Variants in TEX9 observed in about 807,000 individuals in gnomAD.
TEX9 encodes the protein testis-expressed protein 9.
TEX9 carries 74 observed loss-of-function variants against 59.6 expected under a neutral mutation model. The observed-to-expected ratio is 1.24, with a 90% CI of 1.03 to 1.51. The LOEUF (loss-of-function observed/expected upper bound fraction) is 1.51. Ranked by LOEUF, TEX9 falls within the 40% of genes most tolerant of loss-of-function variation. The pLI is 0.00. For missense variants in TEX9, 522 were observed against 447.8 expected, an observed-to-expected ratio of 1.17 and a Z score of -1.49; for synonymous variants, 186 against 152.2, an observed-to-expected ratio of 1.22 and a Z score of -1.64.
At chr15:56,272,926 AT>A (rs1401228517) in intron 1 of TEX9, among the ~76,000 whole-genome samples, 1 of 118,734 alleles carries the variant, frequency 8.4e-6, no homozygotes. Context: ...TTATTTATTT[AT>A]TTATTTATTT....
intron 1 of TEX9, among the ~76,000 whole-genome samples, chr15:56,313,571 T>C (rs1596081625): frequency 7.4e-6 from 1 of 134,906 alleles, no homozygotes; most frequent in Non-Finnish European, 1.6e-5. Flanking sequence ...TTGAGGATTT[T>C]TGCATCAATG....
intron 6 of TEX9, 127 bp from the exon 7 acceptor site, chr15:56,391,116 C>T (rs917699943): frequency 2.1e-6 from 1 of 482,350 alleles, no homozygotes; most frequent in Non-Finnish European, 3.4e-6. Flanking sequence ...CAGATTTCAT[C>T]ATAAATTTAA....
At position 56,429,151 on chromosome 15, in the gene TEX9, CT is replaced by C. The variant is rs756973803; in HGVS notation, c.*29+680del. On this transcript the variant is annotated intron_variant, in intron 12 of 12. Coordinates refer to ENST00000352903, the Ensembl canonical transcript of TEX9. ...CTTTGTTGATATACTTTCCTGAACT[CT>C]TCACCAAGCAGATCAATATCATCCT... 1.9e-6 allele frequency: 3 copies of C among 1,602,340 alleles called. No individual in the cohort carries two copies. The South Asian group carries it at 3.4e-5, about 18-fold the overall frequency.
intron 1 of TEX9, among the ~76,000 whole-genome samples, chr15:56,354,801 C>T (rs2046654683): frequency 6.6e-6 from 1 of 152,006 alleles, no homozygotes; most frequent in African/African-American, 2.4e-5. Flanking sequence ...TAGTGGTGCA[C>T]TTTTAATAAA....
At chr15:56,300,220 A>G (rs368066860) in intron 1 of TEX9, among the ~76,000 whole-genome samples, 11 of 152,044 alleles carry the variant, frequency 7.2e-5, no homozygotes, top group Admixed American at 5.2e-4. Context: ...CGCAGTAGCC[A>G]GGCAGTACTT....
chr15:56,408,994 G>C (rs2049215956), intron 9 of TEX9: 1 of 152,290 alleles, frequency 6.6e-6, no homozygotes, highest in African/African-American at 2.4e-5. Context: ...TCAGGAGATT[G>C]AGACCATCCT....
chr15:56,428,302 C>A, intron 11 of TEX9, 65 bp from the exon 12 acceptor site: 2 of 1,186,682 alleles, frequency 1.7e-6, no homozygotes, highest in Non-Finnish European at 2.5e-6. Context: ...TTTTTACAAA[C>A]TTCCTGTTGT....
chr15:56,345,218 G>C (rs1218784493), intron 1 of TEX9, among the ~76,000 whole-genome samples: 4 of 151,778 alleles, frequency 2.6e-5, no homozygotes, highest in Non-Finnish European at 5.9e-5. Context: ...GAAATTGGGG[G>C]TGGGGAAAGG....
chr15:56,428,189 G>A (rs795786), intron 11 of TEX9, among the ~76,000 whole-genome samples, 178 bp from the exon 12 acceptor site: 69,725 of 151,796 alleles, frequency 0.46, 16,235 homozygotes, highest in South Asian at 0.63. Flanking sequence ...AGTTGGTTCA[G>A]TACTACTGTT....
intron 3 of TEX9, among the ~76,000 whole-genome samples, chr15:56,375,358 G>T (rs1219708544): frequency 1.3e-5 from 2 of 151,952 alleles, no homozygotes; most frequent in East Asian, 3.9e-4. Flanking sequence ...TTTTTGATGG[G>T]GTTGTTTGTT....
chr15:56,434,460 G>GTGAT (rs2050684440), intron 12 of TEX9: 2 of 1,478,704 alleles, frequency 1.4e-6, no homozygotes, highest in Non-Finnish European at 1.8e-6. Flanking sequence ...TAAGGAAAGA[G>GTGAT]TGATAGAGTT....
At chr15:56,341,481 C>A (rs896338872) in intron 1 of TEX9, among the ~76,000 whole-genome samples, 12 of 152,142 alleles carry the variant, frequency 7.9e-5, no homozygotes, top group African/African-American at 2.7e-4. Flanking sequence ...CTGAATACCA[C>A]CCTTAGGGTC....
chr15:56,446,681 C>G (rs1160432844), downstream of TEX9, among the ~76,000 whole-genome samples: 1 of 151,918 alleles, frequency 6.6e-6, no homozygotes, highest in Non-Finnish European at 1.5e-5. Flanking sequence ...AAAATGAAAT[C>G]ACGCAGGATT....
chr15:56,309,470 T>C (rs1190832850), intron 1 of TEX9, among the ~76,000 whole-genome samples: 1 of 152,184 alleles, frequency 6.6e-6, no homozygotes, highest in Non-Finnish European at 1.5e-5. Flanking sequence ...TAGTATTTCG[T>C]TGATGGTTGT....
chr15:56,342,717 G>A (rs999018605), intron 1 of TEX9, among the ~76,000 whole-genome samples: 22 of 152,126 alleles, frequency 1.4e-4, no homozygotes, highest in African/African-American at 5.3e-4. Context: ...CAACCCACAA[G>A]GACAAATGTG....
At chr15:56,293,710 C>A (rs748537442) in intron 1 of TEX9, among the ~76,000 whole-genome samples, 2 of 152,192 alleles carry the variant, frequency 1.3e-5, no homozygotes, top group Non-Finnish European at 2.9e-5. Context: ...AGTATGTGAT[C>A]AAGCCCTAGT....
chr15:56,349,712 T>C (rs1216882984), intron 1 of TEX9, among the ~76,000 whole-genome samples: 1 of 152,054 alleles, frequency 6.6e-6, no homozygotes, highest in Non-Finnish European at 1.5e-5. Flanking sequence ...CACGTGTATA[T>C]GTATATAAGC....
chr15:56,436,962 T>C (rs1273605419), intron 12 of TEX9, among the ~76,000 whole-genome samples: 1 of 152,102 alleles, frequency 6.6e-6, no homozygotes, highest in African/African-American at 2.4e-5. Context: ...CAATAATTAA[T>C]AGCCTACCAA....
intron 1 of TEX9, among the ~76,000 whole-genome samples, chr15:56,278,022 C>T (rs1596061330): frequency 1.3e-5 from 2 of 151,530 alleles, no homozygotes; most frequent in South Asian, 2.1e-4. Context: ...CTTCTTTAGT[C>T]GTTTTTGCTC....
Sources: allele counts gnomAD v4.1 joint callset (sites outside exome capture counted in the v4.1 genomes callset), GRCh38; gene constraint gnomAD v4.1.1; transcripts MANE v1.5; gene names NCBI Gene and HGNC (gene_info 2026-07-23, HGNC 2026-07-21).